Variants in ULK4 observed in about 807,000 individuals in gnomAD.
ULK4 encodes unc-51 like kinase 4.
ULK4 carries 133 observed loss-of-function variants against 160.6 expected under a neutral mutation model. The ratio of observed to expected loss-of-function variants is 0.83; its 90% CI spans 0.72 to 0.96. ULK4 has a LOEUF of 0.96. ULK4 is among the 40% of genes least tolerant of loss of function. The pLI is 0.00. For synonymous variants in ULK4, 534 were observed against 539.8 expected (o/e 0.99, Z 0.15); for missense variants, 1,580 against 1,499.5 (o/e 1.05, Z -0.89).
At chr3:41,675,787 T>G (rs926104098) in intron 29 of ULK4, among the ~76,000 whole-genome samples, 7 of 152,088 alleles carry the variant, frequency 4.6e-5, no homozygotes, top group African/African-American at 1.7e-4. Context: ...CTTGCAGACA[T>G]CAGAGGCACA....
chr3:41,615,717 T>G lies in ULK4; in HGVS notation c.3072A>C (p.Arg1024Ser), dbSNP rs186619720. ...GGATCAGTTTGCTTTCTTCCACAAG[T>G]CTGTTAAAAACAAGAAAAAAAGATA... ...AMTEHNPTFT[R>S]LVEESKLIPL... is the part of the protein sequence containing the mutation. Residue 1024 changes from arginine (R) to serine (S), a missense_variant and splice_region_variant, in exon 31 of 37, where the codon AGA (arginine) becomes AGC (serine). Transcript: ENST00000301831. 3.1e-6 allele frequency: 5 copies of G among 1,612,428 alleles called. No individual in the cohort carries two copies. In the East Asian group the frequency reaches 1.1e-4, roughly 36 times the overall value.
intron 20 of ULK4, among the ~76,000 whole-genome samples, chr3:41,798,057 T>C (rs182065579): frequency 1.3e-5 from 2 of 152,128 alleles, no homozygotes; most frequent in East Asian, 3.9e-4. Context: ...GTAAAATTAA[T>C]GATTCAGATA....
At chr3:41,492,515 T>C (rs2084820406) in intron 32 of ULK4, among the ~76,000 whole-genome samples, 1 of 148,710 alleles carries the variant, frequency 6.7e-6, no homozygotes, top group African/African-American at 2.5e-5. Flanking sequence ...AGAAACTGCA[T>C]CAACTAACAA....
intron 13 of ULK4, 90 bp downstream of exon 13, chr3:41,900,635 T>C (rs76033129): frequency 3.7e-5 from 39 of 1,044,286 alleles, no homozygotes; most frequent in Non-Finnish European, 5.2e-5. Flanking sequence ...GGAAAGATTA[T>C]ACAGTAAATA....
intron 21 of ULK4, among the ~76,000 whole-genome samples, chr3:41,779,983 AAT>A (rs1491375208): frequency 5.2e-5 from 5 of 96,482 alleles, no homozygotes; most frequent in East Asian, 2.2e-4. Context: ...CTTAGAGTAT[AAT>A]AAAAAAAAAA....
rs188910452 is a variant in ULK4, at chr3:41,920,160, A to T, written c.542-342T>A. Among the ~76,000 whole-genome samples, 782 of 152,314 alleles carry T rather than the reference A, an allele frequency of 5.1e-3. 14 individuals carry two copies. Among genetic ancestry groups the T allele is most frequent in the Non-Finnish European group, 6.1e-3 (412 of 68,024 alleles). On this transcript the variant is annotated intron_variant, in intron 5 of 36. Transcript: ENST00000301831. Reference sequence around the variant, plus strand: ...TAACAGCAAAGGTTTATCTATCACTAAACATGTCCACAACAAATCTACCAA... The same window carrying T: ...TAACAGCAAAGGTTTATCTATCACTTAACATGTCCACAACAAATCTACCAA...
At chr3:41,684,991 G>A (rs2036051807) in intron 27 of ULK4, among the ~76,000 whole-genome samples, 1 of 152,208 alleles carries the variant, frequency 6.6e-6, no homozygotes, top group South Asian at 2.1e-4. Context: ...AATGACAACT[G>A]CCTCATGCTG....
chr3:41,802,541 C>T (rs1314172322), intron 19 of ULK4, among the ~76,000 whole-genome samples: 5 of 152,132 alleles, frequency 3.3e-5, no homozygotes, highest in Non-Finnish European at 7.3e-5. Flanking sequence ...CCAAGGAATC[C>T]TCCTGCCTTG....
intron 22 of ULK4, among the ~76,000 whole-genome samples, chr3:41,748,455 C>T (rs528273537): frequency 9.9e-5 from 15 of 152,234 alleles, no homozygotes; most frequent in African/African-American, 3.6e-4. Context: ...TGCCATAATA[C>T]TGTGCTTTAA....
chr3:41,363,114 G>A (rs1366536890), intron 35 of ULK4, among the ~76,000 whole-genome samples: 1 of 152,258 alleles, frequency 6.6e-6, no homozygotes, highest in Admixed American at 6.5e-5. Flanking sequence ...TCACTGAAGA[G>A]AGAATACCAG....
At chr3:41,384,942 C>G (rs1469346455) in intron 35 of ULK4, among the ~76,000 whole-genome samples, 3 of 152,088 alleles carry the variant, frequency 2.0e-5, no homozygotes, top group Non-Finnish European at 4.4e-5. Context: ...GTAGTCCCAG[C>G]TACTCGGAAG....
chr3:41,879,631 T>C (rs1424740411), intron 17 of ULK4, among the ~76,000 whole-genome samples: 2 of 152,064 alleles, frequency 1.3e-5, no homozygotes, highest in Admixed American at 6.5e-5. Context: ...ACCACAGACG[T>C]GCACCACCAC....
intron 31 of ULK4, among the ~76,000 whole-genome samples, chr3:41,611,107 G>C (rs1184357249): frequency 6.6e-6 from 1 of 152,196 alleles, no homozygotes; most frequent in Non-Finnish European, 1.5e-5. Flanking sequence ...GGACTCTTCT[G>C]ATGGCTCACA....
intron 30 of ULK4, among the ~76,000 whole-genome samples, chr3:41,630,678 G>A (rs1575501850): frequency 6.6e-6 from 1 of 152,200 alleles, no homozygotes; most frequent in Admixed American, 6.5e-5. Flanking sequence ...AGATACACCA[G>A]TGGCTGGAAA....
intron 31 of ULK4, among the ~76,000 whole-genome samples, chr3:41,566,903 G>C (rs2087800608): frequency 6.6e-6 from 1 of 152,074 alleles, no homozygotes; most frequent in Non-Finnish European, 1.5e-5. Flanking sequence ...CTGGAACTAG[G>C]ATGAGGCAAG....
At chr3:41,812,341 G>A (rs1477138815) in intron 19 of ULK4, among the ~76,000 whole-genome samples, 9 of 152,124 alleles carry the variant, frequency 5.9e-5, no homozygotes, top group Admixed American at 5.9e-4. Flanking sequence ...AGACATGTTA[G>A]ATCTTTTTGT....
chr3:41,407,495 A>C (rs1212970019), intron 34 of ULK4, among the ~76,000 whole-genome samples: 1 of 152,234 alleles, frequency 6.6e-6, no homozygotes, highest in African/African-American at 2.4e-5. Flanking sequence ...GTAGCAAACC[A>C]AATCAGCAAT....
chr3:41,277,312 G>C (rs543395451), intron 35 of ULK4, among the ~76,000 whole-genome samples: 2 of 152,090 alleles, frequency 1.3e-5, no homozygotes, highest in Non-Finnish European at 2.9e-5. Context: ...GAAAACTACA[G>C]ACCGATATCC....
At chr3:41,903,818 CCTT>C (rs1698455282) in intron 12 of ULK4, among the ~76,000 whole-genome samples, 1 of 150,940 alleles carries the variant, frequency 6.6e-6, no homozygotes, top group African/African-American at 2.4e-5. Context: ...AATTATATTC[CCTT>C]GTTTCAAAAT....
Sources: gnomAD v4.1 joint callset for allele counts (sites outside exome capture counted in the v4.1 genomes callset) on GRCh38, gnomAD v4.1.1 for gene constraint, MANE v1.5 for transcripts, NCBI Gene and HGNC (gene_info 2026-07-23, HGNC 2026-07-21) for gene names.